The following ASCC3 variants were observed in gnomAD, a reference collection of about 807,000 sequenced individuals.
ASCC3 encodes ASC-1 complex subunit P200.
A neutral mutation model predicts 256.3 loss-of-function variants in ASCC3; 158 were observed. The observed-to-expected ratio is 0.62, with a 90% CI of 0.54 to 0.70. ASCC3 has a LOEUF of 0.70. Ranked by LOEUF, ASCC3 falls within the 30% of genes least tolerant of loss-of-function variation. The pLI, the probability that ASCC3 is intolerant of heterozygous loss-of-function variation, is 0.00. For synonymous variants in ASCC3, 948 were observed against 883.4 expected (o/e 1.07, Z -1.30); for missense variants, 2,259 against 2,626.0 (o/e 0.86, Z 3.05).
At chr6:100,837,115 G>GA (rs1192601289) in intron 4 of ASCC3, among the ~76,000 whole-genome samples, 2 of 151,754 alleles carry the variant, frequency 1.3e-5, no homozygotes, top group African/African-American at 4.8e-5. Flanking sequence ...ACAGGTATAG[G>GA]AAAAAAATGC....
At position 100,647,247 on chromosome 6, in the gene ASCC3, C is replaced by G. The variant is rs1395359969; in HGVS notation, c.3457G>C (p.Asp1153His). Residue 1153 changes from aspartate to histidine, a missense_variant, in exon 21 of 42, where the codon GAC (aspartate) becomes CAC (histidine). Around this residue, in one of 2 missense-constraint regions of ASCC3, gnomAD observed 1,839 missense variants for 2,206.7 expected, o/e 0.83. Transcript: ENST00000369162. ...EKKLTVDKLK[D>H]MRKDEIGHIL... ...TTACCTATTTCATCTTTCCTCATGT[C>G]TTTCAGCTTATCCACAGTAAGCTTT... is the stretch of plus-strand genomic sequence containing the variant. 6.2e-7 allele frequency: 1 copy of G among 1,612,562 alleles called. No homozygotes were observed. Among genetic ancestry groups the G allele is most frequent in the Admixed American group, 1.7e-5 (1 of 60,006 alleles).
intron 27 of ASCC3, 50 bp from the exon 28 acceptor site, chr6:100,628,037 G>A (rs769754231): frequency 7.2e-5 from 114 of 1,580,610 alleles, no homozygotes; most frequent in Non-Finnish European, 8.8e-5. Flanking sequence ...GCCTGTGTTG[G>A]TCATTGCAGC....
intron 11 of ASCC3, among the ~76,000 whole-genome samples, chr6:100,723,798 T>C (rs1332501894): frequency 6.8e-6 from 1 of 147,708 alleles, no homozygotes; most frequent in East Asian, 2.0e-4. Context: ...AAAAGATGTT[T>C]ATGGGATATC....
At chr6:100,648,940 A>C (rs1476833226) in intron 20 of ASCC3, among the ~76,000 whole-genome samples, 1 of 151,930 alleles carries the variant, frequency 6.6e-6, no homozygotes, top group Admixed American at 6.6e-5. Context: ...CCTTTAAATA[A>C]AATCCTAGAA....
intron 4 of ASCC3, among the ~76,000 whole-genome samples, chr6:100,819,690 C>T (rs968620964): frequency 2.0e-5 from 3 of 152,138 alleles, no homozygotes; most frequent in Admixed American, 1.3e-4. Flanking sequence ...GAAGACTCAG[C>T]CAGTCTAGTC....
chr6:100,796,129 TAAA>T (rs1474240648), intron 8 of ASCC3, among the ~76,000 whole-genome samples: 1 of 151,894 alleles, frequency 6.6e-6, no homozygotes, highest in Non-Finnish European at 1.5e-5. Flanking sequence ...ATGGCTAAAA[TAAA>T]AATACAAATA....
intron 13 of ASCC3, among the ~76,000 whole-genome samples, chr6:100,680,914 T>C (rs887349263): frequency 1.3e-5 from 2 of 152,158 alleles, no homozygotes; most frequent in East Asian, 1.9e-4. Flanking sequence ...AGGGAATCGA[T>C]AGGCTCATGT....
chr6:100,637,101 AGAG>A (rs1319945667), intron 25 of ASCC3, among the ~76,000 whole-genome samples: 2 of 152,198 alleles, frequency 1.3e-5, no homozygotes, highest in Non-Finnish European at 2.9e-5. Flanking sequence ...TCACAGGTAG[AGAG>A]GAGAAGTCAA....
chr6:100,813,498 G>A (rs974085932), intron 4 of ASCC3, among the ~76,000 whole-genome samples: 1 of 151,752 alleles, frequency 6.6e-6, no homozygotes, highest in African/African-American at 2.4e-5. Flanking sequence ...AAAAACCTAA[G>A]AGATTTTGTT....
chr6:100,589,694 T>G lies in ASCC3; in HGVS notation c.5490A>C (p.Lys1830Asn). The G allele has an allele frequency of 6.2e-7, 1 of 1,613,792 alleles. No individual in the cohort carries two copies. Among genetic ancestry groups the G allele is most frequent in the Non-Finnish European group, 8.5e-7 (1 of 1,179,808 alleles). ...SYYYLKHQTV[K>N]MFKDRLKPEC... ...CAGGCTTCAAGCGGTCCTTGAACAT[T>G]TTAACTGTTTGATGCTTCAAATAGT... Residue 1830 changes from lysine (K) to asparagine (N), a missense_variant, in exon 36 of 42, where the codon AAA (lysine) becomes AAC (asparagine). Physicochemically the swap from Lys to Asn is moderately conservative, Grantham distance 94 (BLOSUM62 0). Coordinates refer to ENST00000369162, the MANE Select transcript of ASCC3 (RefSeq NM_006828.4).
intron 8 of ASCC3, among the ~76,000 whole-genome samples, chr6:100,797,715 C>T (rs10457849): frequency 0.42 from 63,320 of 151,584 alleles, 13,802 homozygotes; most frequent in South Asian, 0.6. Flanking sequence ...TAAATAGTAG[C>T]GAGGCACTTG....
chr6:100,750,415 T>A (rs1016971149), intron 10 of ASCC3, among the ~76,000 whole-genome samples: 15 of 152,008 alleles, frequency 9.9e-5, no homozygotes, highest in Non-Finnish European at 1.6e-4. Flanking sequence ...TCCTGCTCTA[T>A]CAATAAAGTT....
In ASCC3 at chr6:100,720,738, A is replaced by T. The variant is rs374397223; in HGVS notation, c.1903-2487T>A. On this transcript the variant is annotated intron_variant, in intron 11 of 41. Coordinates refer to ENST00000369162, the MANE Select transcript of ASCC3 (RefSeq NM_006828.4). ...AGCAAGTCAGCAAAGGTTTATGGGC[A>T]AAGTAGTACAAAACGATATAATTAG... Among the ~76,000 whole-genome samples the T allele has an allele frequency of 2.0e-5, 3 of 151,368 alleles. No individual in the cohort carries two copies. In the East Asian group the frequency reaches 5.8e-4, roughly 29 times the overall value.
chr6:100,557,170 A>C (rs182132275), intron 36 of ASCC3, among the ~76,000 whole-genome samples: 7 of 152,230 alleles, frequency 4.6e-5, no homozygotes, highest in African/African-American at 1.7e-4. Context: ...CATTTATCTC[A>C]ACATTTATTT....
chr6:100,716,569 G>C (rs1424505253), intron 12 of ASCC3, among the ~76,000 whole-genome samples: 1 of 151,842 alleles, frequency 6.6e-6, no homozygotes, highest in African/African-American at 2.4e-5. Context: ...GATGATCATA[G>C]GATAATTTAC....
intron 3 of ASCC3, among the ~76,000 whole-genome samples, chr6:100,854,973 T>C (rs898009329): frequency 4.6e-5 from 7 of 152,164 alleles, no homozygotes; most frequent in Admixed American, 4.6e-4. Flanking sequence ...AATATTATAC[T>C]CGTAATACTA....
At chr6:100,874,957 A>G (rs1488728523) in intron 1 of ASCC3, among the ~76,000 whole-genome samples, 1 of 152,230 alleles carries the variant, frequency 6.6e-6, no homozygotes, top group Non-Finnish European at 1.5e-5. Flanking sequence ...TGATGAAATA[A>G]GACCTAAAAA....
intron 8 of ASCC3, among the ~76,000 whole-genome samples, chr6:100,777,117 A>G (rs1244404949): frequency 1.3e-5 from 2 of 152,138 alleles, no homozygotes; most frequent in Non-Finnish European, 2.9e-5. Flanking sequence ...AACAATTTAC[A>G]TGAATACCTT....
At chr6:100,583,062 G>T (rs531171225) in intron 36 of ASCC3, among the ~76,000 whole-genome samples, 8 of 151,980 alleles carry the variant, frequency 5.3e-5, no homozygotes, top group Non-Finnish European at 1.0e-4. Flanking sequence ...TTTGGTTGTG[G>T]CTCTGCCAGG....
Sources: allele counts gnomAD v4.1 joint callset (sites outside exome capture counted in the v4.1 genomes callset), GRCh38; gene constraint gnomAD v4.1.1; regional missense constraint gnomAD v4.1.1; transcripts MANE v1.5; gene names NCBI Gene and HGNC (gene_info 2026-07-23, HGNC 2026-07-21).